Variants in ANKS1B observed in about 807,000 individuals in gnomAD.
The protein encoded by ANKS1B is ankyrin repeat and sterile alpha motif domain-containing protein 1B.
ANKS1B carries 36 observed loss-of-function variants against 148.3 expected under a neutral mutation model. The ratio of observed to expected loss-of-function variants is 0.24; its 90% CI spans 0.19 to 0.32. The LOEUF is 0.32. Among genes scored for constraint, ANKS1B ranks in the 10% least tolerant of loss-of-function variants. The pLI is 1.00. For synonymous variants in ANKS1B, 542 were observed against 560.8 expected (o/e 0.97, Z 0.47); for missense variants, 1,157 against 1,542.6 (o/e 0.75, Z 4.19).
chr12:98,993,970 G>A (rs2099928097), intron 17 of ANKS1B, among the ~76,000 whole-genome samples: 1 of 152,140 alleles, frequency 6.6e-6, no homozygotes, highest in Non-Finnish European at 1.5e-5. Context: ...TGAAAGTAAT[G>A]AAGTAATTTT....
At chr12:99,430,107 C>T (rs2152746082) in intron 11 of ANKS1B, among the ~76,000 whole-genome samples, 1 of 150,422 alleles carries the variant, frequency 6.6e-6, no homozygotes, top group African/African-American at 2.4e-5. Flanking sequence ...TCCAACTTCT[C>T]TGCAATTTTG....
intron 15 of ANKS1B, among the ~76,000 whole-genome samples, chr12:99,146,740 T>C (rs1318337763): frequency 3.3e-5 from 5 of 152,098 alleles, no homozygotes; most frequent in Non-Finnish European, 7.4e-5. Context: ...CTTTCTTTTC[T>C]TCCTGTCCTT....
chr12:99,945,855 C>T (rs1402984232), intron 1 of ANKS1B, among the ~76,000 whole-genome samples: 1 of 152,188 alleles, frequency 6.6e-6, no homozygotes, highest in Non-Finnish European at 1.5e-5. Flanking sequence ...ATACGTGGTT[C>T]TCCTCTAGTT....
chr12:99,486,904 T>C (rs1197811913), intron 10 of ANKS1B, among the ~76,000 whole-genome samples: 7 of 152,180 alleles, frequency 4.6e-5, no homozygotes, highest in Non-Finnish European at 1.0e-4. Flanking sequence ...GCAGTAACCC[T>C]GACATGTTTC....
At chr12:99,489,314 A>G (rs1006690950) in intron 10 of ANKS1B, among the ~76,000 whole-genome samples, 3 of 152,038 alleles carry the variant, frequency 2.0e-5, no homozygotes, top group Non-Finnish European at 4.4e-5. Flanking sequence ...AAAACTATGC[A>G]CAGCAAAGAA....
chr12:99,689,471 A>ACATGTCAGCT (rs1349985159), intron 8 of ANKS1B, among the ~76,000 whole-genome samples: 12 of 152,176 alleles, frequency 7.9e-5, no homozygotes, highest in African/African-American at 2.9e-4. Context: ...TCCTCCCCTC[A>ACATGTCAGCT]CATGTCAGCT....
At chr12:99,540,446 A>T (rs2097114114) in intron 9 of ANKS1B, among the ~76,000 whole-genome samples, 1 of 152,182 alleles carries the variant, frequency 6.6e-6, no homozygotes, top group Non-Finnish European at 1.5e-5. Context: ...TACATTTTAA[A>T]TGTTTTATGT....
At chr12:99,649,634 A>G in intron 9 of ANKS1B, 1 of 468,776 alleles carries the variant, frequency 2.1e-6, no homozygotes, top group Admixed American at 3.7e-5. Context: ...CATGGCTATT[A>G]GTGGGTGCTT....
intron 1 of ANKS1B, among the ~76,000 whole-genome samples, chr12:99,910,172 T>G (rs986206322): frequency 6.6e-6 from 1 of 151,916 alleles, no homozygotes; most frequent in Non-Finnish European, 1.5e-5. Context: ...CTGGCCAACA[T>G]GGGGAAACCC....
At position 99,351,611 on chromosome 12, in the gene ANKS1B, T is replaced by C. The variant is rs192594242; in HGVS notation, c.1756+48020A>G. On this transcript the variant is annotated intron_variant, in intron 12 of 26. Coordinates refer to ENST00000683438, the MANE Select transcript of ANKS1B (RefSeq NM_001352186.2). The stretch of plus-strand genomic sequence containing the variant: ...GGTTTTCTTCTCTATAAAATGATAA[T>C]GTCCAGTTTTCCTTGTTGTCATGAG... Among the ~76,000 whole-genome samples the C allele has an allele frequency of 4.4e-3, 670 of 152,166 alleles. 1 individual carries two copies. The highest frequency in any genetic ancestry group is 6.9e-3 in the Non-Finnish European group (468 of 67,954).
chr12:99,324,126 T>G (rs1341474411), intron 12 of ANKS1B, among the ~76,000 whole-genome samples: 1 of 152,196 alleles, frequency 6.6e-6, no homozygotes, highest in Non-Finnish European at 1.5e-5. Flanking sequence ...GAGCTATTTA[T>G]TTTTGTGTGT....
At chr12:99,883,492 A>T (rs1442981332) in intron 1 of ANKS1B, among the ~76,000 whole-genome samples, 2 of 152,240 alleles carry the variant, frequency 1.3e-5, no homozygotes, top group African/African-American at 2.4e-5. Context: ...TTAGTTTAGG[A>T]AATGATACAC....
intron 22 of ANKS1B, among the ~76,000 whole-genome samples, chr12:98,790,392 T>C (rs945446526): frequency 9.9e-5 from 15 of 152,230 alleles, no homozygotes; most frequent in Non-Finnish European, 2.2e-4. Flanking sequence ...TATGTTAATA[T>C]AGCATCTACA....
At chr12:98,778,687 T>G (rs2098704332) in intron 24 of ANKS1B, among the ~76,000 whole-genome samples, 1 of 152,180 alleles carries the variant, frequency 6.6e-6, no homozygotes, top group South Asian at 2.1e-4. Flanking sequence ...GGATGATCCT[T>G]CAACTGTGGA....
At chr12:99,227,936 A>C (rs1478908969) in intron 14 of ANKS1B, among the ~76,000 whole-genome samples, 2 of 151,966 alleles carry the variant, frequency 1.3e-5, no homozygotes, top group African/African-American at 2.4e-5. Flanking sequence ...TATTTAAAAA[A>C]CATTGTAAAA....
At chr12:99,305,312 T>C (rs2082195636) in intron 12 of ANKS1B, among the ~76,000 whole-genome samples, 2 of 152,060 alleles carry the variant, frequency 1.3e-5, no homozygotes, top group South Asian at 4.1e-4. Flanking sequence ...TCAGTACCTA[T>C]TTTACAAATT....
At chr12:99,299,155 G>C (rs959836675) in intron 12 of ANKS1B, among the ~76,000 whole-genome samples, 1 of 151,882 alleles carries the variant, frequency 6.6e-6, no homozygotes, top group Middle Eastern at 3.2e-3. Flanking sequence ...TGAACTCCTG[G>C]GCTCTAGTAA....
intron 17 of ANKS1B, among the ~76,000 whole-genome samples, chr12:98,917,734 G>A (rs2099796316): frequency 6.6e-6 from 1 of 152,208 alleles, no homozygotes; most frequent in Non-Finnish European, 1.5e-5. Flanking sequence ...GGACCACTTA[G>A]TGAAGCAAAT....
chr12:99,481,282 G>T (rs913489072), intron 10 of ANKS1B, among the ~76,000 whole-genome samples: 11 of 151,672 alleles, frequency 7.3e-5, no homozygotes, highest in Admixed American at 2.0e-4. Flanking sequence ...TATGGTTTTT[G>T]GTTTCACACT....
Sources: allele counts gnomAD v4.1 joint callset (sites outside exome capture counted in the v4.1 genomes callset), GRCh38; gene constraint gnomAD v4.1.1; transcripts MANE v1.5; gene names NCBI Gene and HGNC (gene_info 2026-07-23, HGNC 2026-07-21).